CLEC4D: variants seen among roughly 807,000 people sequenced by gnomAD.
CLEC4D encodes the protein C-type (calcium dependent, carbohydrate-recognition domain) lectin, superfamily member 8.
Under a neutral mutation model 21.1 loss-of-function variants are expected in CLEC4D, and 21 were observed. That is an observed-to-expected ratio of 1.00 (90% confidence interval 0.71 to 1.43). The LOEUF is 1.43. Among genes scored for constraint, CLEC4D ranks in the 40% most tolerant of loss-of-function variants. CLEC4D has a pLI of 0.00. For missense variants in CLEC4D, 289 were observed against 260.7 expected, an observed-to-expected ratio of 1.11 and a Z score of -0.75; for synonymous variants, 85 against 83.1, an observed-to-expected ratio of 1.02 and a Z score of -0.12.
Position 8,521,146 on chromosome 12 carries a change from G to T in CLEC4D, c.523G>T (p.Asp175Tyr). The change falls in exon 6 of 6, where the codon GAC becomes TAC. Residue 175 changes from aspartate (D) to tyrosine (Y), a missense_variant. Coordinates refer to ENST00000299665, the MANE Select transcript of CLEC4D (RefSeq NM_080387.5). The part of the protein sequence containing the change: ...RRVFWHKNEP[D>Y]NSQGENCVVL... Reference sequence around the variant, plus strand: ...CAGATTCTGGCATAAGAATGAACCCGACAACTCTCAGGGAGAAAACTGTGT... The same window carrying T: ...CAGATTCTGGCATAAGAATGAACCCTACAACTCTCAGGGAGAAAACTGTGT... 1 of 1,613,050 alleles carries T rather than the reference G, an allele frequency of 6.2e-7. No individual in the cohort carries two copies. The highest frequency in any genetic ancestry group is 1.1e-5 in the South Asian group (1 of 90,974).
intron 4 of CLEC4D, among the ~76,000 whole-genome samples, chr12:8,519,454 A>G (rs937053533): frequency 2.0e-5 from 3 of 152,020 alleles, no homozygotes; most frequent in African/African-American, 7.3e-5. Context: ...AGATCATGGC[A>G]TTTACTTCAC....
chr12:8,514,314 A>AT (rs1283020763), intron 1 of CLEC4D, among the ~76,000 whole-genome samples: 1 of 152,026 alleles, frequency 6.6e-6, no homozygotes, highest in Admixed American at 6.6e-5. Context: ...TTTCTTAGAG[A>AT]TTTTTTGCAT....
At chr12:8,527,834 AG>A in the CLEC4D span, among the ~76,000 whole-genome samples, 1 of 152,196 alleles carries the variant, frequency 6.6e-6, no homozygotes, top group Non-Finnish European at 1.5e-5. Flanking sequence ...TGCGTTTGTG[AG>A]TGGGATCTTC....
chr12:8,520,333 A>G lies in CLEC4D; in HGVS notation c.492A>G (p.Pro164=). The change falls in exon 5 of 6, where the codon CCA becomes CCG. Residue 164 remains proline (P), a synonymous_variant. Transcript: ENST00000299665. ...WRWVDQTPFN[P]RRVFWHKNEP... ...GGGTGGACCAGACGCCATTTAACCC[A>G]CGCAGAGTGTAAGTATATTGAGTGG... 2 of 1,613,932 alleles carry G rather than the reference A, an allele frequency of 1.2e-6. No individual in the cohort carries two copies. Among genetic ancestry groups the G allele is most frequent in the Non-Finnish European group, 1.7e-6 (2 of 1,179,822 alleles).
At chr12:8,520,392 G>A in intron 5 of CLEC4D, 51 bp downstream of exon 5, 2 of 1,576,244 alleles carry the variant, frequency 1.3e-6, no homozygotes, top group Non-Finnish European at 8.7e-7. Flanking sequence ...GTTAGAAGAT[G>A]GTAGCAAGAA....
the CLEC4D span, among the ~76,000 whole-genome samples, chr12:8,529,942 G>T: frequency 1.3e-5 from 2 of 152,170 alleles, no homozygotes; most frequent in African/African-American, 2.4e-5. Context: ...CTAAACGGTT[G>T]AATACGATTG....
At chr12:8,528,563 A>C in the CLEC4D span, among the ~76,000 whole-genome samples, 1 of 152,224 alleles carries the variant, frequency 6.6e-6, no homozygotes, top group East Asian at 1.9e-4. Context: ...TCTTCAAGAC[A>C]AAGACAGTAA....
At chr12:8,519,599 A>T (rs1940431352) in intron 4 of CLEC4D, among the ~76,000 whole-genome samples, 1 of 152,160 alleles carries the variant, frequency 6.6e-6, no homozygotes, top group South Asian at 2.1e-4. Context: ...AGGTCTTGAT[A>T]AATGTTTGGT....
Position 8,521,406 on chromosome 12 carries a change from A to C in CLEC4D, c.*135A>C. 1 of 1,422,030 alleles carries C rather than the reference A, an allele frequency of 7.0e-7. No homozygotes were observed. The allele number at this position is 1,422,030 out of a possible 1,614,324, so 88.1% of individuals were successfully genotyped here. ...GTTTTTAGTCATAATGGTCTTTTTT[A>C]TTTTGTTTGATTCATTCGAGACAAC... On this transcript the variant is annotated 3_prime_UTR_variant, in exon 6 of 6. Transcript: ENST00000299665.
At chr12:8,525,442 G>A (rs534199780), downstream of CLEC4D, among the ~76,000 whole-genome samples, 39 of 152,204 alleles carry the variant, frequency 2.6e-4, 2 homozygotes, top group South Asian at 2.5e-3. Flanking sequence ...TTTGTTTACC[G>A]TTATGTAATG....
intron 2 of CLEC4D, among the ~76,000 whole-genome samples, chr12:8,517,563 G>A (rs963547054): frequency 4.0e-5 from 6 of 151,390 alleles, no homozygotes; most frequent in Non-Finnish European, 8.8e-5. Flanking sequence ...AACCCAGCGC[G>A]CACCAAAAAC....
At chr12:8,518,820 G>A (rs1299249487) in intron 3 of CLEC4D, among the ~76,000 whole-genome samples, 189 bp from the exon 4 acceptor site, 3 of 152,244 alleles carry the variant, frequency 2.0e-5, no homozygotes, top group Non-Finnish European at 4.4e-5. Flanking sequence ...GTGGTGTCCA[G>A]TACTTATGTT....
chr12:8,515,302 G>C lies in CLEC4D; in HGVS notation c.95G>C (p.Ser32Thr). ...GCTGTAGTTTTCATCTTACTTCTCAGTGTCTGTTTTATTGCAAGTTGTTTG... is the reference window on the plus strand; with the variant it reads ...GCTGTAGTTTTCATCTTACTTCTCACTGTCTGTTTTATTGCAAGTTGTTTG... The part of the protein sequence containing the change: ...VIAVVFILLL[S>T]VCFIASCLVT... The change falls in exon 2 of 6, where the codon AGT becomes ACT. Residue 32 changes from serine to threonine, a missense_variant. Transcript: ENST00000299665. 6.8e-7 allele frequency: 1 copy of C among 1,466,158 alleles called. No homozygotes were observed. Among genetic ancestry groups the C allele is most frequent in the Non-Finnish European group, 9.6e-7 (1 of 1,045,960 alleles). 90.8% of individuals were successfully genotyped at this position (1,466,158 alleles called of 1,614,324 possible).
intron 2 of CLEC4D, among the ~76,000 whole-genome samples, chr12:8,516,197 AC>A (rs1352641830): frequency 6.6e-6 from 1 of 152,210 alleles, no homozygotes; most frequent in African/African-American, 2.4e-5. Flanking sequence ...TATCCTCATG[AC>A]CTGGAGGTAG....
At chr12:8,529,277 G>A in the CLEC4D span, among the ~76,000 whole-genome samples, 1 of 152,226 alleles carries the variant, frequency 6.6e-6, no homozygotes, top group East Asian at 1.9e-4. Flanking sequence ...CATTTCTGAA[G>A]AGTTAAAAGG....
intron 5 of CLEC4D, 128 bp downstream of exon 5, chr12:8,520,469 T>C: frequency 7.2e-7 from 1 of 1,393,946 alleles, no homozygotes; most frequent in Non-Finnish European, 9.4e-7. Context: ...GGTTGAGTAA[T>C]CTCCATATGC....
intron 4 of CLEC4D, among the ~76,000 whole-genome samples, chr12:8,519,442 C>T (rs758783626): frequency 5.3e-5 from 8 of 152,282 alleles, no homozygotes; most frequent in African/African-American, 1.2e-4. Flanking sequence ...TTGTGCACAA[C>T]GAGATCATGG....
At chr12:8,530,423 A>G in the CLEC4D span, among the ~76,000 whole-genome samples, 3 of 150,810 alleles carry the variant, frequency 2.0e-5, no homozygotes. Flanking sequence ...TGTGAGTTGC[A>G]TATGTCTAAA....
the CLEC4D span, among the ~76,000 whole-genome samples, chr12:8,531,502 G>A: frequency 6.6e-6 from 1 of 152,134 alleles, no homozygotes. Context: ...TATAAAGGCT[G>A]TAACATTCTT....
Sources: gnomAD v4.1 joint callset for allele counts (sites outside exome capture counted in the v4.1 genomes callset) on GRCh38, gnomAD v4.1.1 for gene constraint, MANE v1.5 for transcripts, NCBI Gene and HGNC (gene_info 2026-07-23, HGNC 2026-07-21) for gene names.